ALG14: variants seen among roughly 807,000 people sequenced by gnomAD.
The protein encoded by ALG14 is UDP-N-acetylglucosamine transferase subunit ALG14.
A neutral mutation model predicts 22.8 loss-of-function variants in ALG14; 17 were observed. That is an observed-to-expected ratio of 0.75 (90% CI 0.51 to 1.12). The LOEUF is 1.12. Ranked by LOEUF, ALG14 falls within the 50% of genes most tolerant of loss-of-function variation. ALG14 has a pLI of 0.00. For missense variants in ALG14, 288 were observed against 271.8 expected (o/e 1.06, Z -0.42); for synonymous variants, 89 against 103.7 (o/e 0.86, Z 0.86).
chr1:95,063,410 G>T (rs1459858988), intron 2 of ALG14, among the ~76,000 whole-genome samples: 1 of 152,094 alleles, frequency 6.6e-6, no homozygotes, highest in East Asian at 1.9e-4. Context: ...TTCTTCTAGG[G>T]TTTTTATAAT....
chr1:95,062,787 T>A (rs1675212777), intron 2 of ALG14, among the ~76,000 whole-genome samples: 1 of 152,218 alleles, frequency 6.6e-6, no homozygotes, highest in Admixed American at 6.5e-5. Context: ...TACAACAGAA[T>A]GATTTACATT....
intron 3 of ALG14, among the ~76,000 whole-genome samples, chr1:94,988,997 T>G (rs1672707925): frequency 6.6e-6 from 1 of 152,212 alleles, no homozygotes; most frequent in Admixed American, 6.5e-5. Flanking sequence ...ATACATAATA[T>G]TAGTAAAGTT....
intron 1 of ALG14, chr1:95,067,321 T>A (rs1010254398): frequency 6.6e-6 from 1 of 152,254 alleles, no homozygotes; most frequent in Non-Finnish European, 1.5e-5. Context: ...CAAGGATAAT[T>A]GTTTCAAAAC....
intron 3 of ALG14, among the ~76,000 whole-genome samples, chr1:94,990,172 C>A (rs1238323503): frequency 6.6e-6 from 1 of 152,026 alleles, no homozygotes; most frequent in Non-Finnish European, 1.5e-5. Context: ...GAAGAAAATG[C>A]AGTTAGAGTC....
chr1:95,003,450 CTT>C (rs11286582), intron 3 of ALG14, among the ~76,000 whole-genome samples: 148 of 134,124 alleles, frequency 1.1e-3, no homozygotes, highest in Middle Eastern at 3.8e-3. Context: ...TGCCCTCATT[CTT>C]TTTTTTTTTT....
intron 1 of ALG14, among the ~76,000 whole-genome samples, chr1:95,069,067 A>T (rs1185075900): frequency 6.6e-6 from 1 of 152,212 alleles, no homozygotes; most frequent in East Asian, 1.9e-4. Context: ...TCCAAGTGCT[A>T]TCACCTTCTT....
intron 3 of ALG14, among the ~76,000 whole-genome samples, chr1:95,006,269 T>A (rs1194322455): frequency 1.3e-5 from 2 of 152,216 alleles, no homozygotes; most frequent in African/African-American, 4.8e-5. Flanking sequence ...TGATTACAAA[T>A]TCCTTTCCTT....
At chr1:94,986,598 G>A (rs1356860801) in intron 3 of ALG14, among the ~76,000 whole-genome samples, 4 of 151,776 alleles carry the variant, frequency 2.6e-5, no homozygotes, top group South Asian at 2.1e-4. Flanking sequence ...TCAGCCTCCC[G>A]AGTAGCTGGG....
Position 94,981,004 on chromosome 1 carries a change from C to A in ALG14, c.*2072G>T, listed in dbSNP as rs1475302063. 1 of 152,188 alleles carries A rather than the reference C, an allele frequency of 6.6e-6. No individual in the cohort carries two copies. Among genetic ancestry groups the A allele is most frequent in the Admixed American group, 6.5e-5 (1 of 15,282 alleles). 9.4% of individuals were successfully genotyped at this position (152,188 alleles called of 1,614,324 possible). ...TCTGCAGCAGGATTACCTGTGGGGG[C>A]CCAGGGAAGCTGCCCCACAGCACAG... On this transcript the variant is annotated 3_prime_UTR_variant, in exon 4 of 4. Transcript: ENST00000370205.
chr1:95,057,463 G>T (rs1346216756), intron 2 of ALG14, among the ~76,000 whole-genome samples: 1 of 151,558 alleles, frequency 6.6e-6, no homozygotes, highest in Non-Finnish European at 1.5e-5. Context: ...TAATCTGAAG[G>T]TTATTTAAAG....
At chr1:94,998,779 T>C (rs1451796576) in intron 3 of ALG14, among the ~76,000 whole-genome samples, 2 of 152,164 alleles carry the variant, frequency 1.3e-5, no homozygotes, top group African/African-American at 2.4e-5. Context: ...AACTAACTCA[T>C]AGGGTTACTG....
chr1:95,042,461 G>A (rs1450857362), intron 2 of ALG14, among the ~76,000 whole-genome samples: 3 of 152,148 alleles, frequency 2.0e-5, no homozygotes, highest in Non-Finnish European at 4.4e-5. Context: ...CCAACTGTTT[G>A]TTCTCTAGGA....
At chr1:95,041,907 C>T (rs1411869955) in intron 2 of ALG14, among the ~76,000 whole-genome samples, 1 of 151,950 alleles carries the variant, frequency 6.6e-6, no homozygotes, top group African/African-American at 2.4e-5. Flanking sequence ...GAATGCAAAC[C>T]AAAAGAATCC....
intron 3 of ALG14, among the ~76,000 whole-genome samples, chr1:95,019,746 C>T (rs1173775227): frequency 1.3e-5 from 2 of 152,092 alleles, no homozygotes; most frequent in Non-Finnish European, 2.9e-5. Flanking sequence ...TTTGGGAGGC[C>T]AAGGTGGGTG....
chr1:95,059,882 G>A (rs1200111600), intron 2 of ALG14, among the ~76,000 whole-genome samples: 2 of 152,060 alleles, frequency 1.3e-5, no homozygotes, highest in East Asian at 4.0e-4. Flanking sequence ...GGTCTAGATT[G>A]TTAATTATAC....
chr1:95,045,139 G>A (rs747279925), intron 2 of ALG14, among the ~76,000 whole-genome samples: 3 of 152,076 alleles, frequency 2.0e-5, no homozygotes, highest in East Asian at 1.9e-4. Context: ...AAGTGATTGA[G>A]TTTTGCATAT....
chr1:95,009,684 C>T (rs1424827327), intron 3 of ALG14, among the ~76,000 whole-genome samples: 1 of 152,126 alleles, frequency 6.6e-6, no homozygotes, highest in African/African-American at 2.4e-5. Context: ...GGAACTATCA[C>T]AGGTTGGAGG....
At position 94,979,950 on chromosome 1, in the gene ALG14, T is replaced by A. The variant is rs1571567074; in HGVS notation, c.*3126A>T. 1 of 152,318 alleles carries A rather than the reference T, an allele frequency of 6.6e-6. No homozygotes were observed. Among genetic ancestry groups the A allele is most frequent in the East Asian group, 1.9e-4 (1 of 5,168 alleles). 9.4% of individuals were successfully genotyped at this position (152,318 alleles called of 1,614,324 possible). A position where few individuals can be genotyped will look rare whatever the true frequency, so the allele number is the denominator to read the frequency against. On this transcript the variant is annotated 3_prime_UTR_variant, in exon 4 of 4. Transcript: ENST00000370205. ...ACCCCGTGAGGCTCAAACGCTGACC[T>A]GTAGGGAGAAGGACAATTTTCTTTA...
chr1:94,980,570 G>A lies in ALG14; in HGVS notation c.*2506C>T, dbSNP rs1672476113. Reference sequence around the variant, plus strand: ...ATCTTCTTCAGTTTGAGTTGGGACTGGCGCACTATCTTTCTGAATGTCACA... The same window carrying A: ...ATCTTCTTCAGTTTGAGTTGGGACTAGCGCACTATCTTTCTGAATGTCACA... On this transcript the variant is annotated 3_prime_UTR_variant, in exon 4 of 4. Coordinates refer to ENST00000370205, the MANE Select transcript of ALG14 (RefSeq NM_144988.4). 1 of 152,176 alleles carries A rather than the reference G, an allele frequency of 6.6e-6. No individual in the cohort carries two copies. Among genetic ancestry groups the A allele is most frequent in the Non-Finnish European group, 1.5e-5 (1 of 68,034 alleles). 9.4% of individuals were successfully genotyped at this position (152,176 alleles called of 1,614,324 possible). A position where few individuals can be genotyped will look rare whatever the true frequency, so the allele number is the denominator to read the frequency against.
Sources: allele counts gnomAD v4.1 joint callset (sites outside exome capture counted in the v4.1 genomes callset), GRCh38; gene constraint gnomAD v4.1.1; transcripts MANE v1.5; gene names NCBI Gene and HGNC (gene_info 2026-07-23, HGNC 2026-07-21).